Variants in CTNNA2 observed in about 807,000 individuals in gnomAD.
CTNNA2 encodes the protein catenin alpha-2.
Under a neutral mutation model 101.0 loss-of-function variants are expected in CTNNA2, and 42 were observed. The observed-to-expected ratio is 0.42, with a 90% confidence interval of 0.32 to 0.54. The LOEUF (loss-of-function observed/expected upper bound fraction) is 0.54, where lower values mean the gene tolerates loss of function less well. Among genes scored for constraint, CTNNA2 ranks in the 20% least tolerant of loss-of-function variants. The pLI is 0.14. For missense variants in CTNNA2, 871 were observed against 1,223.1 expected (o/e 0.71, Z 4.29); for synonymous variants, 450 against 456.4 (o/e 0.99, Z 0.18).
intron 2 of CTNNA2, among the ~76,000 whole-genome samples, chr2:79,210,024 T>C (rs1421825864): frequency 2.0e-5 from 3 of 151,126 alleles, no homozygotes; most frequent in Non-Finnish European, 2.9e-5. Context: ...ATTATGACCA[T>C]CCACTGTTTC....
intron 13 of CTNNA2, among the ~76,000 whole-genome samples, chr2:80,580,185 GAGTTAGTGCCTGTAAAGCACTTAGAA>G (rs564744860): frequency 6.6e-6 from 1 of 152,322 alleles, no homozygotes; most frequent in Non-Finnish European, 1.5e-5. Context: ...AAACCTGCGT[GAGTTAGTGCCTGTAAAGCACTTAGAA>G]AAAACGTTGA....
intron 9 of CTNNA2, among the ~76,000 whole-genome samples, chr2:80,522,815 C>T (rs1689686738): frequency 6.6e-6 from 1 of 152,140 alleles, no homozygotes; most frequent in South Asian, 2.1e-4. Context: ...AAACCATGAG[C>T]TGATTAAACC....
intron 2 of CTNNA2, among the ~76,000 whole-genome samples, chr2:79,730,276 C>T (rs927838314): frequency 1.3e-5 from 2 of 152,016 alleles, no homozygotes; most frequent in Non-Finnish European, 2.9e-5. Flanking sequence ...GCTGAGCATA[C>T]CTGGAGAACA....
At chr2:79,219,252 T>C (rs958942959) in intron 2 of CTNNA2, among the ~76,000 whole-genome samples, 3 of 152,188 alleles carry the variant, frequency 2.0e-5, no homozygotes, top group African/African-American at 7.2e-5. Flanking sequence ...TTTCCATTTG[T>C]TCAGTGTTAT....
chr2:79,721,218 T>G (rs1327219250), intron 2 of CTNNA2, among the ~76,000 whole-genome samples: 2 of 152,136 alleles, frequency 1.3e-5, no homozygotes, highest in African/African-American at 4.8e-5. Flanking sequence ...TAACAGAGTA[T>G]CACAGACTGG....
At position 80,303,154 on chromosome 2, in the gene CTNNA2, G is replaced by C. The variant is rs140201940; in HGVS notation, c.1057-90057G>C. 1.8e-5 allele frequency: 29 copies of C among 1,614,012 alleles called. No individual in the cohort carries two copies. In the African/African-American group the frequency reaches 2.8e-4, roughly 16 times the overall value. Reference sequence around the variant, plus strand: ...GCGGGAAGTGGGCGAAGTTCACCTTGACCAAGTCGTTGTGCTCGAGGTGCA... The same window carrying C: ...GCGGGAAGTGGGCGAAGTTCACCTTCACCAAGTCGTTGTGCTCGAGGTGCA... On this transcript the variant is annotated intron_variant, in intron 7 of 18. Coordinates refer to ENST00000402739, the MANE Select transcript of CTNNA2 (RefSeq NM_001282597.3). This position sits in a 1 kb window ranked among gnomAD's most constrained non-coding sequence, Gnocchi z 7.7.
At chr2:79,220,407 C>A (rs74813969) in intron 2 of CTNNA2, among the ~76,000 whole-genome samples, 12 of 152,054 alleles carry the variant, frequency 7.9e-5, no homozygotes, top group Admixed American at 5.2e-4. Flanking sequence ...GAAATTCTAA[C>A]ACTGAATCCC....
At position 79,995,271 on chromosome 2, in the gene CTNNA2, A is replaced by C. The variant is rs1406150937; in HGVS notation, c.1056+85474A>C. On this transcript the variant is annotated intron_variant, in intron 7 of 18. Transcript: ENST00000402739. ...ACATTGCCTTAATGTTAATAAATCC[A>C]TAATGGTCACACAGGCAGGGGTGGT... Among the ~76,000 whole-genome samples, 3 of 152,188 alleles carry C rather than the reference A, an allele frequency of 2.0e-5. No homozygotes were observed. The East Asian group carries it at 5.8e-4, about 29-fold the overall frequency.
chr2:80,504,371 G>T (rs1688109484), intron 9 of CTNNA2, among the ~76,000 whole-genome samples: 1 of 152,108 alleles, frequency 6.6e-6, no homozygotes, highest in South Asian at 2.1e-4. Context: ...TTTTGAAAGG[G>T]CTCCATAGAT....
chr2:79,647,871 T>A (rs1680934024), intron 1 of CTNNA2, among the ~76,000 whole-genome samples: 1 of 152,196 alleles, frequency 6.6e-6, no homozygotes. Context: ...CAGCTCGGAT[T>A]CAGGTGTGCT....
At chr2:80,248,636 C>T (rs1221335883) in intron 7 of CTNNA2, among the ~76,000 whole-genome samples, 3 of 152,164 alleles carry the variant, frequency 2.0e-5, no homozygotes, top group Non-Finnish European at 2.9e-5. Context: ...GTCTGTCTCT[C>T]AGCAGCTGCT....
intron 3 of CTNNA2, among the ~76,000 whole-genome samples, chr2:79,809,867 C>T (rs11887911): frequency 0.17 from 26,445 of 152,020 alleles, 2,530 homozygotes; most frequent in African/African-American, 0.25. Context: ...CCCATGCCTA[C>T]GTCCTGAATG....
chr2:79,580,885 A>G (rs1676107491), intron 1 of CTNNA2, among the ~76,000 whole-genome samples: 2 of 152,184 alleles, frequency 1.3e-5, no homozygotes, highest in South Asian at 4.1e-4. Context: ...CAGAAACCTC[A>G]ATTCAAGTCA....
At chr2:79,884,388 A>G (rs1478584579) in intron 6 of CTNNA2, among the ~76,000 whole-genome samples, 1 of 152,106 alleles carries the variant, frequency 6.6e-6, no homozygotes, top group Admixed American at 6.6e-5. Flanking sequence ...ACAATCCTCT[A>G]TGCTAACCTC....
At chr2:79,713,295 T>C (rs1336951265) in intron 2 of CTNNA2, among the ~76,000 whole-genome samples, 1 of 152,164 alleles carries the variant, frequency 6.6e-6, no homozygotes, top group African/African-American at 2.4e-5. Context: ...TAAAAATATT[T>C]AGCAGCCGGG....
chr2:80,167,588 T>A (rs555456468), intron 7 of CTNNA2, among the ~76,000 whole-genome samples: 1 of 152,342 alleles, frequency 6.6e-6, no homozygotes, highest in Admixed American at 6.5e-5. Flanking sequence ...TGTCCTTGAA[T>A]GTGGACCTGA....
chr2:80,507,846 A>T (rs17261683), intron 9 of CTNNA2, among the ~76,000 whole-genome samples: 1 of 152,082 alleles, frequency 6.6e-6, no homozygotes, highest in Non-Finnish European at 1.5e-5. Context: ...AACAAATTTG[A>T]GTCAAATAGA....
intron 7 of CTNNA2, among the ~76,000 whole-genome samples, chr2:80,222,863 G>A (rs907664778): frequency 9.2e-5 from 14 of 152,152 alleles, no homozygotes; most frequent in Non-Finnish European, 1.3e-4. Context: ...TTTTGTTTTT[G>A]TTGTTTAATA....
At chr2:79,642,857 C>T (rs1680543776) in intron 1 of CTNNA2, among the ~76,000 whole-genome samples, 1 of 151,590 alleles carries the variant, frequency 6.6e-6, no homozygotes, top group South Asian at 2.1e-4. Context: ...AGAAAATAGC[C>T]CCTCTTACAA....
Sources: gnomAD v4.1 joint callset for allele counts (sites outside exome capture counted in the v4.1 genomes callset) on GRCh38, gnomAD v4.1.1 for gene constraint, Gnocchi (gnomAD v3.1) non-coding constraint, MANE v1.5 for transcripts, NCBI Gene and HGNC (gene_info 2026-07-23, HGNC 2026-07-21) for gene names.